Variants in PLAAT3 observed in about 807,000 individuals in gnomAD.
The protein encoded by PLAAT3 is phospholipase A and acyltransferase 3, also known as Ca-independent phospholipase A1/2.
A neutral mutation model predicts 16.7 loss-of-function variants in PLAAT3; 21 were observed. The observed-to-expected ratio is 1.26, with a 90% CI of 0.89 to 1.81. PLAAT3 has a LOEUF of 1.81. Ranked by LOEUF, PLAAT3 falls within the 40% of genes most tolerant of loss-of-function variation. The pLI, the probability that PLAAT3 is intolerant of heterozygous loss-of-function variation, is 0.00. For synonymous variants in PLAAT3, 76 were observed against 81.7 expected (o/e 0.93, Z 0.38); for missense variants, 219 against 213.7 (o/e 1.02, Z -0.16).
chr11:63,597,898 C>G (rs1004413639), intron 3 of PLAAT3, among the ~76,000 whole-genome samples, 163 bp downstream of exon 3: 2 of 152,198 alleles, frequency 1.3e-5, no homozygotes, highest in African/African-American at 2.4e-5. Context: ...AAAACCAGTG[C>G]CCCACACCAA....
At chr11:63,615,120 G>GTA (rs1454346820), upstream of PLAAT3, among the ~76,000 whole-genome samples, 2 of 31,020 alleles carry the variant, frequency 6.4e-5, no homozygotes, top group African/African-American at 1.7e-4. Flanking sequence ...GTGTATATAT[G>GTA]TGTGTATATA....
chr11:63,589,952 C>T (rs1565250249), intron 4 of PLAAT3, 148 bp downstream of exon 4: 5 of 713,270 alleles, frequency 7.0e-6, no homozygotes, highest in Non-Finnish European at 1.1e-5. Context: ...CCCTTGTCCC[C>T]ACCCTTGTCC....
intron 4 of PLAAT3, among the ~76,000 whole-genome samples, chr11:63,579,227 G>A (rs1937717778): frequency 6.6e-6 from 1 of 152,148 alleles, no homozygotes; most frequent in Non-Finnish European, 1.5e-5. Context: ...GAAACAACAA[G>A]TGCTGGAGAG....
chr11:63,613,776 GGC>G (rs1400037562), intron 2 of PLAAT3, among the ~76,000 whole-genome samples: 3 of 152,256 alleles, frequency 2.0e-5, no homozygotes, highest in African/African-American at 7.2e-5. Flanking sequence ...GCGCGTTTCA[GGC>G]AGGGCGCCCC....
chr11:63,579,382 C>G (rs1480480462), intron 4 of PLAAT3, among the ~76,000 whole-genome samples: 3 of 152,034 alleles, frequency 2.0e-5, no homozygotes, highest in Non-Finnish European at 4.4e-5. Flanking sequence ...GGTATATACC[C>G]AAAGGATTAT....
chr11:63,590,185 C>G lies in PLAAT3; in HGVS notation c.302G>C (p.Gly101Ala), dbSNP rs1565250406. Residue 101 changes from glycine (G) to alanine (A), a missense_variant, in exon 4 of 5, where the codon GGG becomes GCG. Coordinates refer to ENST00000415826, the MANE Select transcript of PLAAT3 (RefSeq NM_001128203.2). ...KIIQRAEELV[G>A]QEVLYKLTSE... ...GGTCAGCTTGTAGAGCACCTCCTGC[C>G]CCACCAGCTCCTCCGCCCGCTGGAT... is the stretch of plus-strand genomic sequence containing the variant. 1 of 1,614,158 alleles carries G rather than the reference C, an allele frequency of 6.2e-7. No homozygotes were observed. The highest frequency in any genetic ancestry group is 1.1e-5 in the South Asian group (1 of 91,088).
chr11:63,616,807 C>A (rs1225306369), upstream of PLAAT3: 1 of 151,674 alleles, frequency 6.6e-6, no homozygotes, highest in African/African-American at 2.4e-5. Flanking sequence ...CACAGTGAAA[C>A]CCCGTCTCTA....
Position 63,592,096 on chromosome 11 carries a change from C to G in PLAAT3, c.119-1728G>C, listed in dbSNP as rs190300702. On this transcript the variant is annotated intron_variant, in intron 3 of 4. Transcript: ENST00000415826. Reference sequence around the variant, plus strand: ...TCTGGACCTGTCACTTCACTTTGCTCCAGAAATCCCCAAATACACACTAAA... The same window carrying G: ...TCTGGACCTGTCACTTCACTTTGCTGCAGAAATCCCCAAATACACACTAAA... 2.0e-3 allele frequency among the ~76,000 whole-genome samples: 307 copies of G among 152,300 alleles called. 1 individual carries two copies. Among genetic ancestry groups the G allele is most frequent in the Non-Finnish European group, 3.5e-3 (238 of 68,022 alleles).
intron 4 of PLAAT3, among the ~76,000 whole-genome samples, chr11:63,575,315 C>T (rs939961595): frequency 1.3e-5 from 2 of 152,218 alleles, no homozygotes; most frequent in Non-Finnish European, 2.9e-5. Flanking sequence ...CATATAAATC[C>T]TCAGAGCGTG....
intron 2 of PLAAT3, among the ~76,000 whole-genome samples, chr11:63,612,086 C>T (rs1440143721): frequency 1.3e-5 from 2 of 152,076 alleles, no homozygotes; most frequent in Admixed American, 1.3e-4. Context: ...TGCAGCGAGC[C>T]GAGATCACGC....
intron 2 of PLAAT3, among the ~76,000 whole-genome samples, chr11:63,610,002 G>A (rs750996661): frequency 8.5e-5 from 13 of 152,086 alleles, no homozygotes; most frequent in Non-Finnish European, 1.8e-4. Flanking sequence ...GTTACCAATC[G>A]GGAAACTGAG....
chr11:63,588,492 AC>A (rs1321637200), intron 4 of PLAAT3, among the ~76,000 whole-genome samples: 2 of 152,096 alleles, frequency 1.3e-5, no homozygotes, highest in African/African-American at 4.8e-5. Context: ...TCACTGCATC[AC>A]CTTTTTAACC....
rs139892757 is a variant in PLAAT3, at chr11:63,585,945, A to G, written c.387+4155T>C. On this transcript the variant is annotated intron_variant, in intron 4 of 4. Coordinates refer to ENST00000415826, the MANE Select transcript of PLAAT3 (RefSeq NM_001128203.2). ...CCAAATAGCATTTATGGCCAGGCGC[A>G]GTGGCTCACATCTATAATTCCAGCA... is the stretch of plus-strand genomic sequence containing the variant. Among the ~76,000 whole-genome samples, 3 of 152,308 alleles carry G rather than the reference A, an allele frequency of 2.0e-5. No homozygotes were observed. In the East Asian group the frequency reaches 5.8e-4, roughly 29 times the overall value.
chr11:63,586,043 CCT>C (rs1313651617), intron 4 of PLAAT3, among the ~76,000 whole-genome samples: 3 of 152,016 alleles, frequency 2.0e-5, no homozygotes, highest in African/African-American at 7.3e-5. Flanking sequence ...AAAGTGAGAC[CCT>C]GTCTCTACAA....
chr11:63,613,939 A>C, intron 2 of PLAAT3, 61 bp downstream of exon 2: 1 of 1,043,500 alleles, frequency 9.6e-7, no homozygotes, highest in South Asian at 1.3e-5. Context: ...CTCCGAGACA[A>C]CGAGTCCCCA....
chr11:63,600,279 A>C (rs557609752), intron 2 of PLAAT3, among the ~76,000 whole-genome samples: 1 of 152,266 alleles, frequency 6.6e-6, no homozygotes, highest in South Asian at 2.1e-4. Context: ...CATCGCGCCC[A>C]GCCCCATGCT....
intron 4 of PLAAT3, among the ~76,000 whole-genome samples, chr11:63,589,828 G>A (rs1408147377): frequency 1.3e-5 from 2 of 152,170 alleles, no homozygotes; most frequent in Non-Finnish European, 2.9e-5. Context: ...GGGACAGGTG[G>A]CCAGGGAGGG....
intron 4 of PLAAT3, among the ~76,000 whole-genome samples, chr11:63,576,573 A>C (rs1342049874): frequency 6.6e-6 from 1 of 152,254 alleles, no homozygotes; most frequent in Non-Finnish European, 1.5e-5. Context: ...CAGTGAGCAA[A>C]GACTGCGCCA....
At position 63,584,599 on chromosome 11, in the gene PLAAT3, C is replaced by T. The variant is rs1267289268; in HGVS notation, c.387+5501G>A. Among the ~76,000 whole-genome samples the T allele has an allele frequency of 6.6e-5, 10 of 151,228 alleles. No homozygotes were observed. The South Asian group carries it at 1.3e-3, about 19-fold the overall frequency. On this transcript the variant is annotated intron_variant, in intron 4 of 4. Transcript: ENST00000415826. ...TGCAATCTCGGCTCACTGCAAGCTC[C>T]GCCTCCTGGGTTCACGCCATTCTCC...
Sources: gnomAD v4.1 joint callset for allele counts (sites outside exome capture counted in the v4.1 genomes callset) on GRCh38, gnomAD v4.1.1 for gene constraint, MANE v1.5 for transcripts, NCBI Gene and HGNC (gene_info 2026-07-23, HGNC 2026-07-21) for gene names.